NYAP2: variants seen among roughly 807,000 people sequenced by gnomAD.
NYAP2 encodes the protein neuronal tyrosine-phosphorylated phosphoinositide-3-kinase adapter 2.
NYAP2 carries 23 observed loss-of-function variants against 50.4 expected under a neutral mutation model. That is an observed-to-expected ratio of 0.46 (90% CI 0.33 to 0.65). The LOEUF is 0.65. NYAP2 is among the 30% of genes least tolerant of loss of function. The pLI, the probability that NYAP2 is intolerant of heterozygous loss-of-function variation, is 0.02. For missense variants in NYAP2, 885 were observed against 861.0 expected, an observed-to-expected ratio of 1.03 and a Z score of -0.35; for synonymous variants, 394 against 365.2, an observed-to-expected ratio of 1.08 and a Z score of -0.90.
intron 4 of NYAP2, among the ~76,000 whole-genome samples, chr2:225,540,439 C>A (rs1489083458): frequency 2.6e-5 from 4 of 152,166 alleles, no homozygotes; most frequent in Non-Finnish European, 2.9e-5. Context: ...TGGTGGCAGA[C>A]AAGACAAGAG....
intron 4 of NYAP2, among the ~76,000 whole-genome samples, chr2:225,580,569 T>C (rs148731269): frequency 1.9e-4 from 29 of 152,320 alleles, no homozygotes; most frequent in African/African-American, 6.7e-4. Flanking sequence ...ACCATCATCA[T>C]AGGCACATTG....
Position 225,497,332 on chromosome 2 carries a change from AC to A in NYAP2, c.222-16038del, listed in dbSNP as rs542596976. Among the ~76,000 whole-genome samples the A allele has an allele frequency of 1.1e-4, 17 of 152,308 alleles. No individual in the cohort carries two copies. In the South Asian group the frequency reaches 3.5e-3, roughly 32 times the overall value. On this transcript the variant is annotated intron_variant, in intron 3 of 6. Transcript: ENST00000636099. Reference sequence around the variant, plus strand: ...CACACTGGCCACTCTATTTACAGTAACTAATGCATCCACGCATAAGTATTTG... The same window carrying A: ...CACACTGGCCACTCTATTTACAGTAATAATGCATCCACGCATAAGTATTTG...
chr2:225,443,340 T>G lies in NYAP2; in HGVS notation c.221+34239T>G, dbSNP rs144341418. On this transcript the variant is annotated intron_variant, in intron 3 of 6. Transcript: ENST00000636099. ...AATGAGATAGCAGAATGACAACACC[T>G]ACTAAGATACTTAAACACGAGTTCC... 5.4e-3 allele frequency among the ~76,000 whole-genome samples: 820 copies of G among 152,288 alleles called. 6 individuals are homozygous for G. Among genetic ancestry groups the G allele is most frequent in the African/African-American group, 0.018 (767 of 41,546 alleles).
chr2:225,512,826 TCTCTC>T (rs1559200494), intron 3 of NYAP2, among the ~76,000 whole-genome samples: 30 of 53,730 alleles, frequency 5.6e-4, no homozygotes, highest in African/African-American at 2.4e-3. Flanking sequence ...TCTTTCTCTC[TCTCTC>T]TCTCTCTTTC....
intron 5 of NYAP2, among the ~76,000 whole-genome samples, chr2:225,606,537 C>A (rs990662144): frequency 2.0e-5 from 3 of 152,136 alleles, no homozygotes; most frequent in Non-Finnish European, 4.4e-5. Flanking sequence ...TGTCTATTCA[C>A]AGAGTACTGC....
rs544784242 is a variant in NYAP2 at position 225,459,661 on chromosome 2, TGA to T, written c.221+50563_221+50564del. Among the ~76,000 whole-genome samples the T allele has an allele frequency of 2.5e-3, 373 of 152,198 alleles. 1 individual carries two copies. Among genetic ancestry groups the T allele is most frequent in the Admixed American group, 8.2e-3 (126 of 15,282 alleles). On this transcript the variant is annotated intron_variant, in intron 3 of 6. Transcript: ENST00000636099. ...TTATTTATTTTATTTATTTATTTTT[TGA>T]GATGGTGTCTCGCTCTGTCGCCCAG...
intron 6 of NYAP2, among the ~76,000 whole-genome samples, chr2:225,637,215 C>A (rs906885486): frequency 2.6e-5 from 4 of 152,126 alleles, no homozygotes; most frequent in Non-Finnish European, 5.9e-5. Context: ...TTGTGTTAAA[C>A]CATCATGTTT....
intron 3 of NYAP2, among the ~76,000 whole-genome samples, chr2:225,503,014 C>G (rs1302405971): frequency 1.3e-5 from 2 of 152,106 alleles, no homozygotes; most frequent in African/African-American, 2.4e-5. Flanking sequence ...AGTTATTATA[C>G]TTTAAACTGG....
At position 225,630,852 on chromosome 2, in the gene NYAP2, A is replaced by T. The variant is rs73090865; in HGVS notation, c.1828+3726A>T. 7.7e-3 allele frequency among the ~76,000 whole-genome samples: 1,178 copies of T among 152,360 alleles called. 26 individuals carry two copies. The highest frequency in any genetic ancestry group is 0.027 in the African/African-American group (1,134 of 41,592). ...TACTGAGATAGAGACTGTCAATGTG[A>T]GATGCGGAGCAAGATTTACGAGGGA... On this transcript the variant is annotated intron_variant, in intron 6 of 6. Coordinates refer to ENST00000636099, the Ensembl canonical transcript of NYAP2.
chr2:225,560,368 T>A (rs1356550681), intron 4 of NYAP2, among the ~76,000 whole-genome samples: 1 of 152,126 alleles, frequency 6.6e-6, no homozygotes, highest in Non-Finnish European at 1.5e-5. Context: ...AGAAACACTA[T>A]GACATAGAGC....
chr2:225,477,772 T>C (rs1209116962), intron 3 of NYAP2, among the ~76,000 whole-genome samples: 1 of 152,114 alleles, frequency 6.6e-6, no homozygotes, highest in Non-Finnish European at 1.5e-5. Context: ...TACACACATA[T>C]ACATACACAT....
At chr2:225,646,519 C>A (rs1438511312) in intron 6 of NYAP2, among the ~76,000 whole-genome samples, 1 of 152,202 alleles carries the variant, frequency 6.6e-6, no homozygotes, top group African/African-American at 2.4e-5. Flanking sequence ...CCATTGCACT[C>A]CAGCCTGGGC....
intron 3 of NYAP2, among the ~76,000 whole-genome samples, chr2:225,471,279 C>T (rs564322680): frequency 3.3e-5 from 5 of 152,288 alleles, no homozygotes; most frequent in East Asian, 1.9e-4. Context: ...TATCTATACA[C>T]GTGAGTGAAT....
chr2:225,536,226 G>A (rs1402815273), intron 4 of NYAP2, among the ~76,000 whole-genome samples: 1 of 152,132 alleles, frequency 6.6e-6, no homozygotes, highest in Non-Finnish European at 1.5e-5. Flanking sequence ...GCTGTCAGTC[G>A]GCCAAGCCTT....
At chr2:225,679,072 T>C in the NYAP2 span, among the ~76,000 whole-genome samples, 1 of 152,160 alleles carries the variant, frequency 6.6e-6, no homozygotes, top group Non-Finnish European at 1.5e-5. Context: ...AGAGATTAAG[T>C]ATATTGTATA....
rs559159886 is a variant in NYAP2 at position 225,542,749 on chromosome 2, T to C, written c.523+29077T>C. Among the ~76,000 whole-genome samples the C allele has an allele frequency of 2.6e-5, 4 of 152,160 alleles. No homozygotes were observed. The East Asian group carries it at 7.7e-4, about 29-fold the overall frequency. On this transcript the variant is annotated intron_variant, in intron 4 of 6. Transcript: ENST00000636099. ...TAGTTTTCTTTTTTTGATGCATCTT[T>C]GGTTTGATATCAGGATAAGACTGGC... is the stretch of plus-strand genomic sequence containing the variant.
rs1465884584 is a variant in NYAP2 at position 225,451,624 on chromosome 2, T to C, written c.221+42523T>C. Among the ~76,000 whole-genome samples the C allele has an allele frequency of 2.6e-5, 4 of 152,336 alleles. 1 individual carries two copies. In the South Asian group the frequency reaches 8.3e-4, roughly 32 times the overall value. ...CTTTAGAGCTGTGGGAACTGCTGGC[T>C]AATTCTATTTCATATTGATCACAAA... On this transcript the variant is annotated intron_variant, in intron 3 of 6. Coordinates refer to ENST00000636099, the Ensembl canonical transcript of NYAP2.
At chr2:225,649,054 G>C (rs1693686429) in intron 6 of NYAP2, among the ~76,000 whole-genome samples, 1 of 152,114 alleles carries the variant, frequency 6.6e-6, no homozygotes, top group South Asian at 2.1e-4. Flanking sequence ...GTAGCAGGAG[G>C]AATAGAGGTA....
At chr2:225,679,655 C>A in the NYAP2 span, among the ~76,000 whole-genome samples, 1 of 151,748 alleles carries the variant, frequency 6.6e-6, no homozygotes, top group Non-Finnish European at 1.5e-5. Flanking sequence ...CCACCATGCC[C>A]AGCTAATTTT....
Sources: gnomAD v4.1 joint callset for allele counts (sites outside exome capture counted in the v4.1 genomes callset) on GRCh38, gnomAD v4.1.1 for gene constraint, MANE v1.5 for transcripts, NCBI Gene and HGNC (gene_info 2026-07-23, HGNC 2026-07-21) for gene names.